CNOT11: variants seen among roughly 807,000 people sequenced by gnomAD.
CNOT11 encodes the protein UPF0760 protein C2orf29.
Under a neutral mutation model 44.6 loss-of-function variants are expected in CNOT11, and 18 were observed. The observed-to-expected ratio is 0.40, with a 90% CI of 0.28 to 0.60. CNOT11 has a LOEUF of 0.60. CNOT11 is among the 20% of genes least tolerant of loss of function. The probability of loss-of-function intolerance (pLI) is 0.38; values close to 1 mark genes in which losing one functional copy is unlikely to be tolerated. For synonymous variants in CNOT11, 291 were observed against 270.9 expected, an observed-to-expected ratio of 1.07 and a Z score of -0.73; for missense variants, 513 against 677.0, an observed-to-expected ratio of 0.76 and a Z score of 2.69.
Position 101,262,669 on chromosome 2 carries a change from C to T in CNOT11, c.810C>T (p.Ser270=), listed in dbSNP as rs1265508623. The change falls in exon 3 of 7, where the codon AGC becomes AGT. Residue 270 remains serine (S), a synonymous_variant. Coordinates refer to ENST00000289382, the MANE Select transcript of CNOT11 (RefSeq NM_017546.5). Reference sequence around the variant, plus strand: ...CTCAGATCACAGAAGCTTTAGTCAGCGGACCAAAGCCACCTATTGAAAGTA... The same window carrying T: ...CTCAGATCACAGAAGCTTTAGTCAGTGGACCAAAGCCACCTATTGAAAGTA... ...VASQITEALV[S]GPKPPIESHF... is the part of the protein sequence containing the mutation. 5 of 1,613,872 alleles carry T rather than the reference C, an allele frequency of 3.1e-6. No homozygotes were observed. Among genetic ancestry groups the T allele is most frequent in the South Asian group, 1.1e-5 (1 of 91,054 alleles).
rs1281766335 is a variant in CNOT11, at chr2:101,269,969, T to A, written c.*556T>A. ...GGATTTACTCATAACTTTCTCCTTG[T>A]CATGGAGGCTTAATAGACAACAGAA... On this transcript the variant is annotated 3_prime_UTR_variant, in exon 7 of 7. Transcript: ENST00000289382. This position sits in a 1 kb window ranked among gnomAD's most constrained non-coding sequence, Gnocchi z 4.8. 1 of 152,394 alleles carries A rather than the reference T, an allele frequency of 6.6e-6. No homozygotes were observed. The highest frequency in any genetic ancestry group is 1.5e-5 in the Non-Finnish European group (1 of 68,088). 9.4% of individuals were successfully genotyped at this position (152,394 alleles called of 1,614,324 possible). A position where few individuals can be genotyped will look rare whatever the true frequency, so the allele number is the denominator to read the frequency against.
At chr2:101,257,110 A>G (rs1681750464) in intron 1 of CNOT11, among the ~76,000 whole-genome samples, 1 of 149,774 alleles carries the variant, frequency 6.7e-6, no homozygotes, top group South Asian at 2.1e-4. Flanking sequence ...AAGAAACACC[A>G]GGCGGGGCAC....
At chr2:101,266,444 A>G (rs931006951) in intron 4 of CNOT11, among the ~76,000 whole-genome samples, 30 of 152,190 alleles carry the variant, frequency 2.0e-4, no homozygotes, top group African/African-American at 6.5e-4. Flanking sequence ...TCACTAGCAT[A>G]TTTATAAACT....
Position 101,252,889 on chromosome 2 carries a change from C to T in CNOT11, c.-76C>T. The T allele has an allele frequency of 3.0e-6, 4 of 1,337,026 alleles. No homozygotes were observed. Among genetic ancestry groups the T allele is most frequent in the Non-Finnish European group, 3.8e-6 (4 of 1,040,770 alleles). The allele number at this position is 1,337,026 out of a possible 1,614,324, so 82.8% of individuals were successfully genotyped here. ...TGCGACGCTGTCGTGTAACAGCGCG[C>T]TTTACGGCCGCGGGGACGGAGCGAG... On this transcript the variant is annotated 5_prime_UTR_variant, in exon 1 of 7. Transcript: ENST00000289382.
At chr2:101,258,741 G>C (rs1439905932) in intron 2 of CNOT11, among the ~76,000 whole-genome samples, 6 of 151,242 alleles carry the variant, frequency 4.0e-5, no homozygotes, top group Non-Finnish European at 8.8e-5. Flanking sequence ...TTGAACCTGG[G>C]AGCTGGAGGT....
At chr2:101,262,759 A>G in intron 3 of CNOT11, 68 bp downstream of exon 3, 1 of 1,285,070 alleles carries the variant, frequency 7.8e-7, no homozygotes, top group Non-Finnish European at 1.1e-6. Flanking sequence ...AGGACTTTTC[A>G]GTTTTTGAGA....
chr2:101,262,558 A>G lies in CNOT11; in HGVS notation c.699A>G (p.Pro233=), dbSNP rs1257251189. The change falls in exon 3 of 7, where the codon CCA becomes CCG. Residue 233 remains proline, a synonymous_variant. Coordinates refer to ENST00000289382, the MANE Select transcript of CNOT11 (RefSeq NM_017546.5). ...LALAERQSEL[P]TQSKASFPSI... is the part of the protein sequence containing the mutation. The stretch of plus-strand genomic sequence containing the variant: ...TTCCAGAACGCCAATCTGAATTGCC[A>G]ACGCAAAGCAAAGCGAGCTTCCCCA... 3 of 1,614,082 alleles carry G rather than the reference A, an allele frequency of 1.9e-6. No individual in the cohort carries two copies. Among genetic ancestry groups the G allele is most frequent in the Non-Finnish European group, 2.5e-6 (3 of 1,179,994 alleles).
At chr2:101,257,102 G>T (rs1681750379) in intron 1 of CNOT11, among the ~76,000 whole-genome samples, 2 of 151,170 alleles carry the variant, frequency 1.3e-5, no homozygotes, top group Admixed American at 1.3e-4. Flanking sequence ...AAAGAGGAAA[G>T]AAACACCAGG....
chr2:101,266,990 TTAAAGAAATAATGTAAGC>T, intron 5 of CNOT11, 111 bp downstream of exon 5: 1 of 740,928 alleles, frequency 1.3e-6, no homozygotes, highest in Non-Finnish European at 2.3e-6. Flanking sequence ...AGATTAACTA[TTAAAGAAATAATGTAAGC>T]CTTAGCATTC....
At chr2:101,259,081 C>T (rs1283657393) in intron 2 of CNOT11, among the ~76,000 whole-genome samples, 1 of 152,126 alleles carries the variant, frequency 6.6e-6, no homozygotes, top group Non-Finnish European at 1.5e-5. Context: ...CTGCAGTGAG[C>T]TGTGATTGCG....
chr2:101,269,462 T>C lies in CNOT11; in HGVS notation c.*49T>C. The C allele has an allele frequency of 6.5e-7, 1 of 1,542,126 alleles. No homozygotes were observed. Among genetic ancestry groups the C allele is most frequent in the Non-Finnish European group, 8.9e-7 (1 of 1,118,252 alleles). On this transcript the variant is annotated 3_prime_UTR_variant, in exon 7 of 7. Transcript: ENST00000289382. This position sits in a 1 kb window ranked among gnomAD's most constrained non-coding sequence, Gnocchi z 4.8. ...CATTCACTGTTCAGCTGTACTGTGA[T>C]TTAGTTTTTACACCGTTAAAACCCT...
chr2:101,265,512 G>A (rs1246998720), intron 4 of CNOT11, among the ~76,000 whole-genome samples: 1 of 152,110 alleles, frequency 6.6e-6, no homozygotes, highest in Non-Finnish European at 1.5e-5. Flanking sequence ...AAGGTTTTTG[G>A]GTCTCTGAAG....
intron 3 of CNOT11, 80 bp downstream of exon 3, chr2:101,262,771 A>G: frequency 8.7e-7 from 1 of 1,150,452 alleles, no homozygotes; most frequent in East Asian, 2.4e-5. Context: ...TTTTTGAGAC[A>G]TCATTTTATT....
At position 101,262,217 on chromosome 2, in the gene CNOT11, C is replaced by T. The variant is rs193041553; in HGVS notation, c.680-322C>T. On this transcript the variant is annotated intron_variant, in intron 2 of 6. Transcript: ENST00000289382. The stretch of plus-strand genomic sequence containing the variant: ...GTAAGTCATCACTTAACATCACTGA[C>T]GGGTTGTTGGAAACTGCAGATTTAA... Among the ~76,000 whole-genome samples the T allele has an allele frequency of 3.4e-3, 524 of 152,186 alleles. 6 individuals are homozygous for T. Among genetic ancestry groups the T allele is most frequent in the African/African-American group, 0.012 (493 of 41,506 alleles).
At chr2:101,265,123 CAG>C (rs1573202811) in intron 4 of CNOT11, 76 bp downstream of exon 4, 15 of 1,061,328 alleles carry the variant, frequency 1.4e-5, no homozygotes, top group African/African-American at 3.2e-5. Flanking sequence ...GTTTTTGAGA[CAG>C]AGTCTCACTC....
In CNOT11 at chr2:101,264,939, G is replaced by C. The variant is rs754660121; in HGVS notation, c.927G>C (p.Ala309=). 4 of 1,614,104 alleles carry C rather than the reference G, an allele frequency of 2.5e-6. No homozygotes were observed. The Admixed American group carries it at 6.7e-5, about 27-fold the overall frequency. Residue 309 remains alanine (A), a synonymous_variant, in exon 4 of 7, where the codon GCG becomes GCC. Transcript: ENST00000289382. ...AWLNPTEPDH[A]IQWDKSMCVK... is the part of the protein sequence containing the mutation. ...TAAACCCCACGGAGCCTGACCACGCGATCCAGTGGGATAAATCGATGTGTG... is the reference window on the plus strand; with the variant it reads ...TAAACCCCACGGAGCCTGACCACGCCATCCAGTGGGATAAATCGATGTGTG...
At chr2:101,255,597 ACACTC>A (rs1681721255) in intron 1 of CNOT11, among the ~76,000 whole-genome samples, 1 of 152,150 alleles carries the variant, frequency 6.6e-6, no homozygotes, top group African/African-American at 2.4e-5. Context: ...ATCAGTGCCT[ACACTC>A]CACTCCCAGA....
intron 1 of CNOT11, among the ~76,000 whole-genome samples, chr2:101,255,967 A>G (rs1425637526): frequency 6.6e-6 from 1 of 152,040 alleles, no homozygotes; most frequent in African/African-American, 2.4e-5. Flanking sequence ...ACGAAACCCC[A>G]TCTCTACCAA....
Position 101,252,923 on chromosome 2 carries a change from A to T in CNOT11, c.-42A>T. ...CGCGGGGACGGAGCGAGCCGGCGCC[A>T]GGGCCCCTCGGGCCGGGAAGAGGGG... On this transcript the variant is annotated 5_prime_UTR_variant, in exon 1 of 7. Transcript: ENST00000289382. 1.4e-6 allele frequency: 2 copies of T among 1,394,804 alleles called. No individual in the cohort carries two copies. Among genetic ancestry groups the T allele is most frequent in the Non-Finnish European group, 1.8e-6 (2 of 1,084,008 alleles). 86.4% of individuals were successfully genotyped at this position (1,394,804 alleles called of 1,614,324 possible). A position where few individuals can be genotyped will look rare whatever the true frequency, so the allele number is the denominator to read the frequency against.
Sources: allele counts gnomAD v4.1 joint callset (sites outside exome capture counted in the v4.1 genomes callset), GRCh38; gene constraint gnomAD v4.1.1; non-coding constraint Gnocchi (gnomAD v3.1); transcripts MANE v1.5; gene names NCBI Gene and HGNC (gene_info 2026-07-23, HGNC 2026-07-21).